DACH2: variants seen among roughly 807,000 people sequenced by gnomAD.
The protein encoded by DACH2 is dachshund family transcription factor 2.
In DACH2, 17 loss-of-function variants were observed where a neutral mutation model predicts 35.8. That is an observed-to-expected ratio of 0.48 (90% confidence interval 0.33 to 0.71). The LOEUF is 0.71. DACH2 is among the 30% of genes least tolerant of loss of function. The probability of loss-of-function intolerance (pLI) is 0.02; values close to 1 mark genes in which losing one functional copy is unlikely to be tolerated. For missense variants in DACH2, 469 were observed against 472.7 expected (o/e 0.99, Z 0.07); for synonymous variants, 195 against 177.3 (o/e 1.10, Z -0.79).
intron 6 of DACH2, among the ~76,000 whole-genome samples, chrX:86,725,706 G>A (rs1330652554): frequency 9.0e-6 from 1 of 111,241 alleles, no homozygotes; most frequent in Non-Finnish European, 1.9e-5. Context: ...CAGGGCCCCT[G>A]GACTGCTGGT....
intron 1 of DACH2, among the ~76,000 whole-genome samples, chrX:86,367,055 C>T (rs866234880): frequency 9.0e-6 from 1 of 110,554 alleles, no homozygotes. Flanking sequence ...TTAGATTGGC[C>T]TTAGGATATG....
intron 2 of DACH2, among the ~76,000 whole-genome samples, chrX:86,414,094 C>T (rs979941299): frequency 9.0e-6 from 1 of 111,446 alleles, no homozygotes. Context: ...GATTCTTCCT[C>T]AAGGGGACCC....
chrX:86,426,815 C>T (rs1364176663), intron 2 of DACH2, among the ~76,000 whole-genome samples: 2 of 111,391 alleles, frequency 1.8e-5, no homozygotes, highest in Non-Finnish European at 3.8e-5. Flanking sequence ...CCTTTATTCA[C>T]CAAGTGGAAT....
At chrX:86,270,023 T>TTTTA (rs1299002272) in intron 1 of DACH2, among the ~76,000 whole-genome samples, 20 of 97,725 alleles carry the variant, frequency 2.0e-4, no homozygotes, top group African/African-American at 7.6e-4. Flanking sequence ...TATATATATA[T>TTTTA]TATATATATA....
intron 3 of DACH2, among the ~76,000 whole-genome samples, chrX:86,549,651 C>T (rs1051714156): frequency 7.9e-4 from 87 of 109,972 alleles, no homozygotes; most frequent in African/African-American, 2.7e-3. Flanking sequence ...GTTCTGAAGA[C>T]TTTTTGTACC....
chrX:86,786,925 T>C (rs2042142766), intron 7 of DACH2, among the ~76,000 whole-genome samples: 1 of 111,533 alleles, frequency 9.0e-6, no homozygotes, highest in Non-Finnish European at 1.9e-5. Context: ...TTTCTCATGA[T>C]AGAGAATAAG....
At position 86,353,914 on chromosome X, in the gene DACH2, C is replaced by G. The variant is rs1336609669; in HGVS notation, c.489-22910C>G. ...GTTCTCTGTATTTCCTGAATCTGAACTTTGGCCTGCCTTGCTAGATTGGGG... is the reference window on the plus strand; with the variant it reads ...GTTCTCTGTATTTCCTGAATCTGAAGTTTGGCCTGCCTTGCTAGATTGGGG... On this transcript the variant is annotated intron_variant, in intron 1 of 11. Coordinates refer to ENST00000373125, the MANE Select transcript of DACH2 (RefSeq NM_053281.3). Among the ~76,000 whole-genome samples, 2 of 28,333 alleles carry G rather than the reference C, an allele frequency of 7.1e-5. 1 individual carries two copies. The highest frequency in any genetic ancestry group is 1.0e-4 in the Non-Finnish European group (2 of 19,385). The allele number at this position is 28,333 out of a possible 115,157, so 24.6% of individuals were successfully genotyped here. A position where few individuals can be genotyped will look rare whatever the true frequency, so the allele number is the denominator to read the frequency against.
chrX:86,257,865 T>C (rs1009035516), intron 1 of DACH2, among the ~76,000 whole-genome samples: 2 of 112,541 alleles, frequency 1.8e-5, no homozygotes, highest in Admixed American at 1.9e-4. Context: ...ATGCTTTCTC[T>C]TTCTTTTCTA....
At chrX:86,731,749 C>T (rs976511090) in intron 6 of DACH2, among the ~76,000 whole-genome samples, 13 of 111,369 alleles carry the variant, frequency 1.2e-4, no homozygotes, top group African/African-American at 4.2e-4. Flanking sequence ...TGAAAGCTAC[C>T]ACAAGGGAAA....
At chrX:86,417,504 AGAG>A (rs1188731816) in intron 2 of DACH2, among the ~76,000 whole-genome samples, 3 of 96,547 alleles carry the variant, frequency 3.1e-5, no homozygotes, top group African/African-American at 1.8e-4. Context: ...GCAGCAGGCA[AGAG>A]AGAGAACTTG....
chrX:86,313,914 T>C (rs1412510823), intron 1 of DACH2, among the ~76,000 whole-genome samples: 3 of 112,076 alleles, frequency 2.7e-5, no homozygotes, highest in Non-Finnish European at 3.8e-5. Flanking sequence ...TTTTGGTAAT[T>C]CTTGCAATAC....
intron 1 of DACH2, among the ~76,000 whole-genome samples, chrX:86,363,529 GTATAT>G (rs1156926513): frequency 9.0e-6 from 1 of 111,431 alleles, no homozygotes; most frequent in Non-Finnish European, 1.9e-5. Flanking sequence ...GTTGTCAAAA[GTATAT>G]TATAACTGAT....
At chrX:86,255,442 A>G (rs2033498789) in intron 1 of DACH2, among the ~76,000 whole-genome samples, 1 of 111,807 alleles carries the variant, frequency 8.9e-6, no homozygotes, top group Non-Finnish European at 1.9e-5. Flanking sequence ...TTGAGCTGGG[A>G]TGAGATTCGG....
intron 1 of DACH2, among the ~76,000 whole-genome samples, chrX:86,318,145 T>C (rs1331042500): frequency 8.9e-6 from 1 of 112,254 alleles, no homozygotes; most frequent in Non-Finnish European, 1.9e-5. Flanking sequence ...CAAACAAATA[T>C]GTTTCAAACC....
intron 11 of DACH2, chrX:86,831,573 C>T (rs1034982570): frequency 9.0e-6 from 1 of 111,016 alleles, no homozygotes; most frequent in Admixed American, 9.6e-5. Flanking sequence ...ATGGCATGGG[C>T]TCTTTTAATG....
intron 2 of DACH2, among the ~76,000 whole-genome samples, chrX:86,431,726 A>C (rs1333765729): frequency 9.0e-6 from 1 of 111,702 alleles, no homozygotes; most frequent in Non-Finnish European, 1.9e-5. Context: ...CTTAAAATTT[A>C]AGGTTCTGAA....
intron 1 of DACH2, among the ~76,000 whole-genome samples, chrX:86,226,775 CTAATA>C (rs1264555631): frequency 7.2e-5 from 8 of 111,218 alleles, no homozygotes; most frequent in African/African-American, 2.6e-4. Context: ...CCTTGTGCTT[CTAATA>C]TGTCTTTATT....
intron 11 of DACH2, chrX:86,829,514 C>A (rs1466293169): frequency 2.7e-5 from 3 of 111,946 alleles, no homozygotes; most frequent in Non-Finnish European, 5.6e-5. Flanking sequence ...ATATATCTGC[C>A]TTGTTTATGA....
At chrX:86,680,095 G>A (rs968209818) in intron 4 of DACH2, among the ~76,000 whole-genome samples, 4 of 111,532 alleles carry the variant, frequency 3.6e-5, no homozygotes, top group East Asian at 2.8e-4. Context: ...AAAATATTCC[G>A]TTTTTTAAAA....
Sources: allele counts gnomAD v4.1 joint callset (sites outside exome capture counted in the v4.1 genomes callset), GRCh38; gene constraint gnomAD v4.1.1; transcripts MANE v1.5; gene names NCBI Gene and HGNC (gene_info 2026-07-23, HGNC 2026-07-21).